The following DPP6 variants were observed in gnomAD, a reference collection of about 807,000 sequenced individuals.
DPP6 encodes the protein dipeptidyl peptidase like 6.
A neutral mutation model predicts 122.6 loss-of-function variants in DPP6; 69 were observed. That is an observed-to-expected ratio of 0.56 (90% CI 0.46 to 0.69). The LOEUF (loss-of-function observed/expected upper bound fraction) is 0.69, where lower values mean the gene tolerates loss of function less well. Ranked by LOEUF, DPP6 falls within the 30% of genes least tolerant of loss-of-function variation. DPP6 has a pLI of 0.00. For missense variants in DPP6, 928 were observed against 1,116.9 expected (o/e 0.83, Z 2.41); for synonymous variants, 418 against 433.1 (o/e 0.97, Z 0.43).
chr7:154,218,724 C>T (rs1189065104), intron 1 of DPP6, among the ~76,000 whole-genome samples: 2 of 152,196 alleles, frequency 1.3e-5, no homozygotes, highest in Non-Finnish European at 2.9e-5. Context: ...AACTATCTTT[C>T]AGCTCATCTG....
At chr7:154,359,749 T>A (rs1375991867) in intron 1 of DPP6, among the ~76,000 whole-genome samples, 1 of 152,214 alleles carries the variant, frequency 6.6e-6, no homozygotes, top group Non-Finnish European at 1.5e-5. Flanking sequence ...CATGGAACTC[T>A]ATGTGATCAA....
chr7:154,399,067 C>T (rs6954168), intron 1 of DPP6, among the ~76,000 whole-genome samples: 5,911 of 152,144 alleles, frequency 0.039, 204 homozygotes, highest in African/African-American at 0.088. Flanking sequence ...ATATTTAAAA[C>T]GTCAACCCAG....
chr7:154,314,219 G>T (rs1467338800), intron 1 of DPP6, among the ~76,000 whole-genome samples: 1 of 152,132 alleles, frequency 6.6e-6, no homozygotes, highest in African/African-American at 2.4e-5. Flanking sequence ...GACTGATTCT[G>T]TATCTATGAA....
In DPP6 at chr7:154,680,686, ATT is replaced by A. The variant is rs11295169; in HGVS notation, c.762+11252_762+11253del. On this transcript the variant is annotated intron_variant, in intron 7 of 25. Coordinates refer to ENST00000377770, the MANE Select transcript of DPP6 (RefSeq NM_130797.4). Reference sequence around the variant, plus strand: ...TTGGTTAAAGCAACATTATATATATATTTTTTTTAAAAAAAAATTAAAAAGAG... The same window carrying A: ...TTGGTTAAAGCAACATTATATATATATTTTTTAAAAAAAAATTAAAAAGAG... Among the ~76,000 whole-genome samples the A allele has an allele frequency of 7.4e-4, 99 of 133,496 alleles. No individual in the cohort carries two copies. In the East Asian group the frequency reaches 8.4e-3, roughly 11 times the overall value. 87.6% of individuals were successfully genotyped at this position (133,496 alleles called of 152,430 possible). A position where few individuals can be genotyped will look rare whatever the true frequency, so the allele number is the denominator to read the frequency against.
intron 1 of DPP6, among the ~76,000 whole-genome samples, chr7:154,019,028 G>T (rs1388145178): frequency 6.6e-6 from 1 of 152,138 alleles, no homozygotes; most frequent in Non-Finnish European, 1.5e-5. Context: ...AATTTAAAAT[G>T]ATTCTACACA....
chr7:154,533,734 A>G (rs1337284555), intron 3 of DPP6, among the ~76,000 whole-genome samples: 1 of 152,214 alleles, frequency 6.6e-6, no homozygotes, highest in Non-Finnish European at 1.5e-5. Context: ...ATGGTGCCTC[A>G]CACCTCTAAT....
At chr7:153,909,446 T>C (rs999104854) in intron 1 of DPP6, among the ~76,000 whole-genome samples, 4 of 151,902 alleles carry the variant, frequency 2.6e-5, no homozygotes, top group African/African-American at 9.7e-5. Flanking sequence ...AAAAAAAACT[T>C]AAAAACTCAC....
At chr7:154,820,002 A>G (rs1587241442) in intron 16 of DPP6, among the ~76,000 whole-genome samples, 1 of 152,148 alleles carries the variant, frequency 6.6e-6, no homozygotes. Context: ...CTGGAAGGGG[A>G]GCTGTGCCGC....
At chr7:154,551,957 A>G (rs1829669923) in intron 4 of DPP6, among the ~76,000 whole-genome samples, 1 of 152,294 alleles carries the variant, frequency 6.6e-6, no homozygotes, top group Non-Finnish European at 1.5e-5. Flanking sequence ...TCTAGGTGCT[A>G]TTGGAAGTAA....
chr7:154,071,805 C>T (rs1803137347), intron 1 of DPP6, among the ~76,000 whole-genome samples: 3 of 152,138 alleles, frequency 2.0e-5, no homozygotes, highest in South Asian at 4.1e-4. Context: ...AAGAGGACAC[C>T]GTTGTCTTAC....
intron 5 of DPP6, among the ~76,000 whole-genome samples, chr7:154,622,603 T>C (rs1834764596): frequency 6.6e-6 from 1 of 152,168 alleles, no homozygotes; most frequent in South Asian, 2.1e-4. Context: ...CAAGAAAGAC[T>C]ATGTCTACCA....
intron 1 of DPP6, among the ~76,000 whole-genome samples, chr7:154,413,589 C>T (rs773530093): frequency 2.6e-5 from 4 of 152,268 alleles, no homozygotes; most frequent in East Asian, 1.9e-4. Flanking sequence ...ACATTTATTT[C>T]GTATTGAACA....
At chr7:154,230,894 C>T (rs1465815864) in intron 1 of DPP6, among the ~76,000 whole-genome samples, 1 of 152,342 alleles carries the variant, frequency 6.6e-6, no homozygotes, top group Admixed American at 6.5e-5. Flanking sequence ...TCAGTCCAAA[C>T]TATTCTACCT....
chr7:154,331,583 C>T (rs74462411), intron 1 of DPP6, among the ~76,000 whole-genome samples: 2,894 of 152,260 alleles, frequency 0.019, 31 homozygotes, highest in Non-Finnish European at 0.031. Context: ...GCTGTTGGAT[C>T]AAGAAGATGC....
At chr7:154,051,723 C>T (rs62485600), upstream of DPP6, among the ~76,000 whole-genome samples, 53,799 of 149,610 alleles carry the variant, frequency 0.36, 9,980 homozygotes, top group Middle Eastern at 0.4. Flanking sequence ...GGGCTCTCTG[C>T]GGGGCGCATC....
intron 1 of DPP6, chr7:154,305,016 C>T (rs1806169896): frequency 6.6e-6 from 1 of 152,640 alleles, no homozygotes; most frequent in Non-Finnish European, 1.4e-5. Flanking sequence ...TCCGCGGCCC[C>T]CTCCCCAGCC....
intron 16 of DPP6, among the ~76,000 whole-genome samples, chr7:154,812,994 T>G (rs1416868953): frequency 6.6e-6 from 1 of 152,158 alleles, no homozygotes; most frequent in Non-Finnish European, 1.5e-5. Flanking sequence ...TTCCTTAAAA[T>G]TTTTTATTGT....
chr7:153,781,847 A>C, the DPP6 span, among the ~76,000 whole-genome samples: 2 of 152,052 alleles, frequency 1.3e-5, no homozygotes, highest in African/African-American at 4.8e-5. Flanking sequence ...AAGATATTTG[A>C]ATGTTAGCTT....
chr7:154,286,465 G>A (rs1460868073), intron 1 of DPP6, among the ~76,000 whole-genome samples: 1 of 152,210 alleles, frequency 6.6e-6, no homozygotes, highest in African/African-American at 2.4e-5. Context: ...GCAAGCAGGA[G>A]CGTTTGTCCA....
Sources: allele counts gnomAD v4.1 joint callset (sites outside exome capture counted in the v4.1 genomes callset), GRCh38; gene constraint gnomAD v4.1.1; transcripts MANE v1.5; gene names NCBI Gene and HGNC (gene_info 2026-07-23, HGNC 2026-07-21).